Variants in CSMD1 observed in about 807,000 individuals in gnomAD.
CSMD1 encodes the protein CUB and Sushi multiple domains 1, also known as CUB and sushi domain-containing protein 1.
CSMD1 carries 213 observed loss-of-function variants against 417.5 expected under a neutral mutation model. The ratio of observed to expected loss-of-function variants is 0.51; its 90% CI spans 0.46 to 0.57. CSMD1 has a LOEUF of 0.57. CSMD1 is among the 20% of genes least tolerant of loss of function. The pLI, the probability that CSMD1 is intolerant of heterozygous loss-of-function variation, is 0.00. For missense variants in CSMD1, 6,923 were observed against 4,529.7 expected (o/e 1.53, Z -15.17); for synonymous variants, 2,862 against 1,736.8 (o/e 1.65, Z -16.11).
chr8:3,683,970 G>A (rs1050907743), intron 7 of CSMD1, among the ~76,000 whole-genome samples: 8 of 151,764 alleles, frequency 5.3e-5, no homozygotes, highest in African/African-American at 1.7e-4. Flanking sequence ...TGCTTCATGT[G>A]ATTGAGAAGT....
At chr8:3,590,262 T>C (rs1368392621) in intron 8 of CSMD1, among the ~76,000 whole-genome samples, 1 of 152,160 alleles carries the variant, frequency 6.6e-6, no homozygotes, top group Non-Finnish European at 1.5e-5. Context: ...TACAAATTTT[T>C]GTTTATATAT....
chr8:3,465,242 T>C (rs974502515), intron 12 of CSMD1, among the ~76,000 whole-genome samples: 1 of 152,162 alleles, frequency 6.6e-6, no homozygotes, highest in Non-Finnish European at 1.5e-5. Flanking sequence ...GCCCTGGTTT[T>C]CATTTCTCCA....
chr8:4,023,214 C>A (rs2130516402), intron 4 of CSMD1, among the ~76,000 whole-genome samples: 1 of 152,304 alleles, frequency 6.6e-6, no homozygotes, highest in South Asian at 2.1e-4. Context: ...TTCAGGGAAG[C>A]CAGATGTGAA....
chr8:3,056,270 T>C (rs10096618), intron 49 of CSMD1, among the ~76,000 whole-genome samples: 14,094 of 152,228 alleles, frequency 0.093, 1,028 homozygotes, highest in East Asian at 0.36. Flanking sequence ...TCTGAACCTT[T>C]AATACCACAA....
rs145513679 is a variant in CSMD1 at position 4,966,193 on chromosome 8, G to A, written c.85+28139C>T. Among the ~76,000 whole-genome samples the A allele has an allele frequency of 1.5e-3, 181 of 121,440 alleles. 1 individual carries two copies. Among genetic ancestry groups the A allele is most frequent in the African/African-American group, 5.9e-3 (159 of 27,156 alleles). The allele number at this position is 121,440 out of a possible 152,430, so 79.7% of individuals were successfully genotyped here. On this transcript the variant is annotated intron_variant, in intron 1 of 69. Coordinates refer to ENST00000635120, the MANE Select transcript of CSMD1 (RefSeq NM_033225.6). ...AGCTTGGCTAACATAGTGGAAGCCC[G>A]TCTCTACTAAATATACAAAAAAAAA... is the stretch of plus-strand genomic sequence containing the variant.
intron 1 of CSMD1, among the ~76,000 whole-genome samples, chr8:4,645,800 C>T (rs949854238): frequency 1.3e-5 from 2 of 152,092 alleles, no homozygotes; most frequent in Admixed American, 1.3e-4. Context: ...ACCCTGTTGT[C>T]CTTTAGATTC....
At chr8:4,207,225 A>G (rs911275700) in intron 3 of CSMD1, among the ~76,000 whole-genome samples, 14 of 152,200 alleles carry the variant, frequency 9.2e-5, no homozygotes, top group Non-Finnish European at 1.5e-4. Flanking sequence ...GTTGTATAAC[A>G]TGCAAATATA....
intron 3 of CSMD1, among the ~76,000 whole-genome samples, chr8:4,312,465 G>GTATATATATATATA (rs140158264): frequency 8.4e-5 from 10 of 119,254 alleles, no homozygotes; most frequent in African/African-American, 2.9e-4. Flanking sequence ...ATATATGCGC[G>GTATATATATATATA]TATATATATA....
At chr8:3,274,224 G>T (rs1040296611) in intron 26 of CSMD1, among the ~76,000 whole-genome samples, 3 of 151,766 alleles carry the variant, frequency 2.0e-5, no homozygotes, top group Non-Finnish European at 4.4e-5. Context: ...CAGTTTCCAT[G>T]TAGTTGAGCG....
intron 1 of CSMD1, among the ~76,000 whole-genome samples, chr8:4,880,399 G>C (rs1001251879): frequency 6.6e-6 from 1 of 152,038 alleles, no homozygotes; most frequent in African/African-American, 2.4e-5. Context: ...CAAAAGAGAA[G>C]GCATCAGAGT....
At chr8:3,430,849 T>G (rs1189113762) in intron 12 of CSMD1, among the ~76,000 whole-genome samples, 1 of 152,140 alleles carries the variant, frequency 6.6e-6, no homozygotes, top group Admixed American at 6.6e-5. Flanking sequence ...TTTGTAAATA[T>G]ATAAGATAGG....
chr8:4,766,827 CATGATTTCTT>C (rs1304258502), intron 1 of CSMD1, among the ~76,000 whole-genome samples: 3 of 152,090 alleles, frequency 2.0e-5, no homozygotes, highest in African/African-American at 7.2e-5. Flanking sequence ...TTATGTTAAC[CATGATTTCTT>C]ATGATTTCTC....
At chr8:4,272,609 C>A (rs573354604) in intron 3 of CSMD1, among the ~76,000 whole-genome samples, 1 of 152,192 alleles carries the variant, frequency 6.6e-6, no homozygotes, top group South Asian at 2.1e-4. Context: ...CTTTTATGTG[C>A]CTGTTTTTGT....
chr8:4,945,303 T>G (rs114607760), intron 1 of CSMD1, among the ~76,000 whole-genome samples: 2 of 152,100 alleles, frequency 1.3e-5, no homozygotes, highest in Admixed American at 6.5e-5. Flanking sequence ...GCAAAATAAA[T>G]AAGTCCTGGA....
chr8:3,548,265 C>T (rs1798760789), intron 10 of CSMD1, among the ~76,000 whole-genome samples: 2 of 152,122 alleles, frequency 1.3e-5, no homozygotes, highest in Non-Finnish European at 1.5e-5. Context: ...CTCTCTGTAG[C>T]CCTTGTCTAT....
At chr8:4,149,385 T>A (rs1178130489) in intron 3 of CSMD1, among the ~76,000 whole-genome samples, 1 of 152,192 alleles carries the variant, frequency 6.6e-6, no homozygotes, top group Non-Finnish European at 1.5e-5. Context: ...AAAACCAATA[T>A]ATCTTAGGTG....
intron 7 of CSMD1, among the ~76,000 whole-genome samples, chr8:3,705,361 C>G (rs1033340473): frequency 6.6e-6 from 1 of 152,178 alleles, no homozygotes; most frequent in African/African-American, 2.4e-5. Flanking sequence ...CCATCCATAC[C>G]CTGGTGCTTC....
intron 23 of CSMD1, among the ~76,000 whole-genome samples, chr8:3,331,523 C>G (rs555872764): frequency 1.3e-5 from 2 of 152,270 alleles, no homozygotes; most frequent in East Asian, 3.9e-4. Flanking sequence ...ATGATAGGAC[C>G]TTAACTTATG....
intron 1 of CSMD1, among the ~76,000 whole-genome samples, chr8:4,758,943 C>T (rs151177653): frequency 5.6e-4 from 85 of 152,272 alleles, no homozygotes; most frequent in Admixed American, 3.1e-3. Context: ...CAGTAGCAGA[C>T]GGTGGAGGGT....
Sources: gnomAD v4.1 joint callset for allele counts (sites outside exome capture counted in the v4.1 genomes callset) on GRCh38, gnomAD v4.1.1 for gene constraint, MANE v1.5 for transcripts, NCBI Gene and HGNC (gene_info 2026-07-23, HGNC 2026-07-21) for gene names.